Variants in TFB2M observed in about 807,000 individuals in gnomAD.
The protein encoded by TFB2M is transcription factor B2, mitochondrial, also known as dimethyladenosine transferase 2, mitochondrial.
Under a neutral mutation model 41.3 loss-of-function variants are expected in TFB2M, and 44 were observed. That is an observed-to-expected ratio of 1.07 (90% CI 0.84 to 1.37). The LOEUF (loss-of-function observed/expected upper bound fraction) is 1.37, where lower values mean the gene tolerates loss of function less well. Ranked by LOEUF, TFB2M falls within the 40% of genes most tolerant of loss-of-function variation. The pLI is 0.00. For missense variants in TFB2M, 496 were observed against 490.2 expected, an observed-to-expected ratio of 1.01 and a Z score of -0.11; for synonymous variants, 188 against 176.8, an observed-to-expected ratio of 1.06 and a Z score of -0.50.
intron 1 of TFB2M, 126 bp downstream of exon 1, chr1:246,565,700 G>T (rs1659631607): frequency 2.8e-6 from 3 of 1,079,414 alleles, no homozygotes; most frequent in South Asian, 1.7e-5. Flanking sequence ...AACACAGCGA[G>T]ACTCCGTCTC....
At position 246,557,517 on chromosome 1, in the gene TFB2M, C is replaced by T; in HGVS notation, c.420G>A (p.Leu140=). 1 of 1,606,438 alleles carries T rather than the reference C, an allele frequency of 6.2e-7. No homozygotes were observed. Among genetic ancestry groups the T allele is most frequent in the Non-Finnish European group, 8.5e-7 (1 of 1,177,524 alleles). ...AGTGAATCACTCGTAGTTTTCCATC[C>T]AGATTTTTTCCTAAGGACTAAAGAG... is the stretch of plus-strand genomic sequence containing the variant. The part of the protein sequence containing the change: ...IPHLESLGKN[L]DGKLRVIHCD... Residue 140 remains leucine, a synonymous_variant, in exon 3 of 8, where the codon CTG becomes CTA. Transcript: ENST00000366514.
In TFB2M at chr1:246,548,453, G is replaced by C. The variant is rs529915690; in HGVS notation, c.858+92C>G. 3.3e-4 allele frequency: 348 copies of C among 1,068,712 alleles called. No homozygotes were observed. In the African/African-American group the frequency reaches 5.1e-3, roughly 16 times the overall value. 66.2% of individuals were successfully genotyped at this position (1,068,712 alleles called of 1,614,324 possible). ...TTTCTAGATATTTTAAAATTAAAAA[G>C]TTAAATACAGACTACCAAATAGTCC... On this transcript the variant is annotated intron_variant, in intron 6 of 7. Transcript: ENST00000366514.
chr1:246,566,173 T>G lies in TFB2M; in HGVS notation c.-35A>C. The G allele has an allele frequency of 6.3e-7, 1 of 1,583,886 alleles. No individual in the cohort carries two copies. The highest frequency in any genetic ancestry group is 1.1e-5 in the South Asian group (1 of 89,220). On this transcript the variant is annotated 5_prime_UTR_variant, in exon 1 of 8. Transcript: ENST00000366514. ...TCTCAGGCCCGCTCCAAGAATCACC[T>G]AGTGCAGCTACTACAGTGAACCCCA...
rs1400324877 is a variant in TFB2M, at chr1:246,566,225, T to C, written c.-87A>G. The stretch of plus-strand genomic sequence containing the variant: ...GCAGGGTATCCCACGTGGAACATTT[T>C]CTGGCGTCCGGGCCAGGTCAAGCGG... On this transcript the variant is annotated 5_prime_UTR_variant, in exon 1 of 8. Transcript: ENST00000366514. 1.4e-6 allele frequency: 2 copies of C among 1,400,686 alleles called. No homozygotes were observed. The highest frequency in any genetic ancestry group is 4.6e-5 in the Admixed American group (2 of 43,810). 86.8% of individuals were successfully genotyped at this position (1,400,686 alleles called of 1,614,324 possible).
intron 6 of TFB2M, among the ~76,000 whole-genome samples, chr1:246,547,566 T>G (rs566159386): frequency 1.3e-5 from 2 of 152,292 alleles, no homozygotes; most frequent in East Asian, 3.9e-4. Flanking sequence ...TCTTTTTCCT[T>G]TAGTGGCAAG....
chr1:246,564,289 A>G (rs943086591), intron 2 of TFB2M, 57 bp downstream of exon 2: 5 of 1,478,538 alleles, frequency 3.4e-6, no homozygotes, highest in Admixed American at 1.7e-5. Flanking sequence ...CATTTCCTTA[A>G]ACCACTCACA....
Position 246,544,959 on chromosome 1 carries a change from C to T in TFB2M, c.859-278G>A, listed in dbSNP as rs560917196. On this transcript the variant is annotated intron_variant, in intron 6 of 7. Coordinates refer to ENST00000366514, the MANE Select transcript of TFB2M (RefSeq NM_022366.3). ...TAGCTGGGACTACAGGCGCCCACCA[C>T]CACGCCTGGCTAATTTTTTGTATTT... Among the ~76,000 whole-genome samples, 114 of 152,186 alleles carry T rather than the reference C, an allele frequency of 7.5e-4. 2 individuals are homozygous for T. In the East Asian group the frequency reaches 0.022, roughly 29 times the overall value.
At chr1:246,551,844 T>A (rs1410215553) in intron 4 of TFB2M, among the ~76,000 whole-genome samples, 1 of 152,186 alleles carries the variant, frequency 6.6e-6, no homozygotes, top group Non-Finnish European at 1.5e-5. Context: ...GCAGCAGGAA[T>A]CTAACACAGC....
rs74152004 is a variant in TFB2M, at chr1:246,556,485, A to G, written c.705+88T>C. Reference sequence around the variant, plus strand: ...CAATCTTAGACCCTCAAATGTCACGAGCCCTAAATTAAAATCGCACAGATT... The same window carrying G: ...CAATCTTAGACCCTCAAATGTCACGGGCCCTAAATTAAAATCGCACAGATT... On this transcript the variant is annotated intron_variant, in intron 4 of 7. Coordinates refer to ENST00000366514, the MANE Select transcript of TFB2M (RefSeq NM_022366.3). The G allele has an allele frequency of 4.9e-4, 492 of 997,752 alleles. 2 individuals carry two copies. The African/African-American group carries it at 7.7e-3, about 16-fold the overall frequency. The allele number at this position is 997,752 out of a possible 1,614,324, so 61.8% of individuals were successfully genotyped here.
intron 5 of TFB2M, among the ~76,000 whole-genome samples, chr1:246,550,312 T>C (rs1659138142): frequency 6.6e-6 from 1 of 151,948 alleles, no homozygotes; most frequent in Non-Finnish European, 1.5e-5. Flanking sequence ...GAAAGCAGAA[T>C]CAGTGATGTG....
At position 246,565,878 on chromosome 1, in the gene TFB2M, G is replaced by T. The variant is rs1218939175; in HGVS notation, c.261C>A (p.Ile87=). The stretch of plus-strand genomic sequence containing the variant: ...GAGGTCTACTTGGTTTTCCCAAATA[G>T]ATTTGCGCCAGGGTCTCAGCCAATC... ...DRRLAETLAQ[I]YLGKPSRPPH... is the part of the protein sequence containing the mutation. Residue 87 remains isoleucine, a synonymous_variant, in exon 1 of 8, where the codon ATC becomes ATA. Transcript: ENST00000366514. 1 of 1,610,380 alleles carries T rather than the reference G, an allele frequency of 6.2e-7. No homozygotes were observed. Among genetic ancestry groups the T allele is most frequent in the Non-Finnish European group, 8.5e-7 (1 of 1,176,708 alleles).
chr1:246,557,447 G>T lies in TFB2M; in HGVS notation c.490C>A (p.Pro164Thr). 6.2e-7 allele frequency: 1 copy of T among 1,613,754 alleles called. No individual in the cohort carries two copies. Among genetic ancestry groups the T allele is most frequent in the Non-Finnish European group, 8.5e-7 (1 of 1,179,906 alleles). ...LDPRSGGVIK[P>T]PAMSSRGLFK... ...AGCCCTCGAGAAGACATAGCAGGTG[G>T]TTTTATTACTCCACCACTTCTAGGA... Residue 164 changes from proline (P) to threonine (T), a missense_variant, in exon 3 of 8, where the codon CCA becomes ACA. Physicochemically the swap from Pro to Thr is conservative, Grantham distance 38 (BLOSUM62 -1). Transcript: ENST00000366514.
chr1:246,564,887 C>G (rs1659569443), intron 1 of TFB2M, among the ~76,000 whole-genome samples: 1 of 152,156 alleles, frequency 6.6e-6, no homozygotes, highest in Admixed American at 6.5e-5. Context: ...ACCATGTTGG[C>G]CAGGCTGGTC....
intron 2 of TFB2M, among the ~76,000 whole-genome samples, chr1:246,560,895 C>T (rs1378808296): frequency 1.3e-5 from 2 of 152,012 alleles, no homozygotes; most frequent in Non-Finnish European, 2.9e-5. Flanking sequence ...GGGCGGATCA[C>T]GAGGTCAGGA....
At chr1:246,554,164 G>A (rs56367289) in intron 4 of TFB2M, among the ~76,000 whole-genome samples, 60,409 of 152,022 alleles carry the variant, frequency 0.4, 12,483 homozygotes, top group Non-Finnish European at 0.45. Context: ...GAAACCATAA[G>A]CAAAATTTAC....
At chr1:246,552,947 C>T (rs1231599234) in intron 4 of TFB2M, among the ~76,000 whole-genome samples, 7 of 151,172 alleles carry the variant, frequency 4.6e-5, no homozygotes, top group Non-Finnish European at 8.9e-5. Context: ...CCTGGCTGGG[C>T]GCTGTGGCTC....
At chr1:246,541,317 G>T in intron 7 of TFB2M, 115 bp from the exon 8 acceptor site, 2 of 952,982 alleles carry the variant, frequency 2.1e-6, no homozygotes, top group Non-Finnish European at 3.1e-6. Flanking sequence ...GGCATACAGA[G>T]TGCTATAATG....
chr1:246,541,275 G>A, intron 7 of TFB2M, 73 bp from the exon 8 acceptor site: 1 of 1,442,678 alleles, frequency 6.9e-7, no homozygotes, highest in Non-Finnish European at 9.4e-7. Flanking sequence ...GACAGAAATG[G>A]CTTCTAAGTT....
chr1:246,556,783 A>G (rs1359082138), intron 3 of TFB2M, 62 bp from the exon 4 acceptor site: 1 of 1,382,294 alleles, frequency 7.2e-7, no homozygotes, highest in Non-Finnish European at 9.7e-7. Flanking sequence ...CTATGTCCAT[A>G]TTTTTTTGAG....
Sources: gnomAD v4.1 joint callset for allele counts (sites outside exome capture counted in the v4.1 genomes callset) on GRCh38, gnomAD v4.1.1 for gene constraint, MANE v1.5 for transcripts, NCBI Gene and HGNC (gene_info 2026-07-23, HGNC 2026-07-21) for gene names.